The following TRPS1 variants were observed in gnomAD, a reference collection of about 807,000 sequenced individuals.
TRPS1 encodes zinc finger transcription factor Trps1.
TRPS1 carries 6 observed loss-of-function variants against 101.2 expected under a neutral mutation model. The observed-to-expected ratio is 0.06, with a 90% CI of 0.03 to 0.12. The LOEUF is 0.12. TRPS1 is among the 10% of genes least tolerant of loss of function. The probability of loss-of-function intolerance (pLI) is 1.00; values close to 1 mark genes in which losing one functional copy is unlikely to be tolerated. For synonymous variants in TRPS1, 578 were observed against 589.8 expected (o/e 0.98, Z 0.29); for missense variants, 1,363 against 1,567.0 (o/e 0.87, Z 2.20).
At chr8:115,602,052 TC>T (rs145964848) in intron 4 of TRPS1, among the ~76,000 whole-genome samples, 2,486 of 152,248 alleles carry the variant, frequency 0.016, 60 homozygotes, top group African/African-American at 0.057. Flanking sequence ...AACCCTGTTT[TC>T]CCAGACATTC....
At chr8:115,424,940 T>C (rs1299878915) in intron 5 of TRPS1, among the ~76,000 whole-genome samples, 2 of 152,194 alleles carry the variant, frequency 1.3e-5, no homozygotes, top group Non-Finnish European at 2.9e-5. Context: ...CTAGGAGACA[T>C]CGAAGGCCAT....
chr8:115,514,952 A>C (rs1400959842), intron 5 of TRPS1, among the ~76,000 whole-genome samples: 1 of 151,614 alleles, frequency 6.6e-6, no homozygotes, highest in African/African-American at 2.4e-5. Flanking sequence ...GGTTTTTAAA[A>C]ATGTTTTTCC....
At chr8:115,609,572 C>T (rs1818116975) in intron 3 of TRPS1, among the ~76,000 whole-genome samples, 1 of 152,116 alleles carries the variant, frequency 6.6e-6, no homozygotes, top group Non-Finnish European at 1.5e-5. Context: ...TTCATGGCAC[C>T]CTCACCACTG....
rs1400125756 is a variant in TRPS1, at chr8:115,619,794, C to T, written c.304G>A (p.Glu102Lys). 9.3e-6 allele frequency: 15 copies of T among 1,614,070 alleles called. No homozygotes were observed. Among genetic ancestry groups the T allele is most frequent in the Non-Finnish European group, 1.3e-5 (15 of 1,180,040 alleles). ...AAGTTTCCTCCCTTACTGGGGCTTTCATAATTGAAGCCAGCCTTCTCACTC... is the reference window on the plus strand; with the variant it reads ...AAGTTTCCTCCCTTACTGGGGCTTTTATAATTGAAGCCAGCCTTCTCACTC... ...VLSEKAGFNY[E>K]SPSKGGNFPS... Residue 102 changes from glutamate (E) to lysine (K), a missense_variant, in exon 3 of 7, where the codon GAA becomes AAA. Transcript: ENST00000395715.
intron 1 of TRPS1, among the ~76,000 whole-genome samples, chr8:115,660,307 CA>C (rs1339455958): frequency 1.3e-5 from 2 of 151,944 alleles, no homozygotes; most frequent in Non-Finnish European, 2.9e-5. Context: ...CCAAATTCTA[CA>C]AGTAAAAACA....
intron 6 of TRPS1, among the ~76,000 whole-genome samples, chr8:115,415,804 T>C (rs377245152): frequency 1.3e-5 from 2 of 152,192 alleles, no homozygotes; most frequent in South Asian, 4.1e-4. Context: ...AAAACATAAA[T>C]GTCGGCTGTT....
chr8:115,516,888 C>A (rs1009136061), intron 5 of TRPS1, among the ~76,000 whole-genome samples: 2 of 151,374 alleles, frequency 1.3e-5, no homozygotes, highest in African/African-American at 4.8e-5. Flanking sequence ...ATAAAACAAT[C>A]TTCTACATAT....
chr8:115,647,713 T>C (rs1242897874), intron 1 of TRPS1, among the ~76,000 whole-genome samples: 1 of 152,214 alleles, frequency 6.6e-6, no homozygotes, highest in African/African-American at 2.4e-5. Context: ...AGACTAATAA[T>C]ATTTTCATTA....
chr8:115,550,636 C>T (rs1816682341), intron 5 of TRPS1, among the ~76,000 whole-genome samples: 1 of 152,160 alleles, frequency 6.6e-6, no homozygotes, highest in Non-Finnish European at 1.5e-5. Context: ...AATCTTCTAC[C>T]AAGCCAGGAG....
chr8:115,586,859 G>T, intron 5 of TRPS1, 142 bp downstream of exon 5: 1 of 1,415,680 alleles, frequency 7.1e-7, no homozygotes, highest in Non-Finnish European at 9.7e-7. Flanking sequence ...CTGCCACTTT[G>T]GCCTTAGGAG....
intron 5 of TRPS1, among the ~76,000 whole-genome samples, chr8:115,531,102 T>G (rs558282152): frequency 1.6e-4 from 25 of 152,098 alleles, no homozygotes; most frequent in African/African-American, 5.8e-4. Flanking sequence ...AAAAAGAGTA[T>G]GTTAAGTGAT....
intron 5 of TRPS1, among the ~76,000 whole-genome samples, chr8:115,555,510 T>G (rs1816797268): frequency 6.6e-6 from 1 of 152,086 alleles, no homozygotes; most frequent in African/African-American, 2.4e-5. Flanking sequence ...CTTTGGCAAG[T>G]ACTTCTTTTT....
chr8:115,507,356 T>C (rs1351758873), intron 5 of TRPS1, among the ~76,000 whole-genome samples: 2 of 152,124 alleles, frequency 1.3e-5, no homozygotes, highest in Admixed American at 1.3e-4. Flanking sequence ...GCCTAATCTT[T>C]GTCAATTGGT....
intron 5 of TRPS1, among the ~76,000 whole-genome samples, chr8:115,548,822 T>C (rs1033268177): frequency 2.0e-5 from 3 of 152,226 alleles, no homozygotes; most frequent in African/African-American, 7.2e-5. Flanking sequence ...ATCTGTGCTG[T>C]GTCTTATTCA....
Position 115,506,833 on chromosome 8 carries a change from T to G in TRPS1, c.2700+80168A>C, listed in dbSNP as rs141275393. On this transcript the variant is annotated intron_variant, in intron 5 of 6. Transcript: ENST00000395715. The stretch of plus-strand genomic sequence containing the variant: ...ATTTTAAAATCTCACAAGTTTTTCT[T>G]CATGATTAACACAATTCACAAAATA... 1.2e-3 allele frequency among the ~76,000 whole-genome samples: 176 copies of G among 152,262 alleles called. 1 individual carries two copies. The highest frequency in any genetic ancestry group is 4.1e-3 in the African/African-American group (171 of 41,568).
At chr8:115,563,938 G>GA (rs1346497598) in intron 5 of TRPS1, among the ~76,000 whole-genome samples, 12 of 151,924 alleles carry the variant, frequency 7.9e-5, no homozygotes, top group African/African-American at 2.7e-4. Flanking sequence ...GCCACCGTTG[G>GA]AAAAAAAGAA....
At chr8:115,540,496 A>G (rs1816426409) in intron 5 of TRPS1, among the ~76,000 whole-genome samples, 1 of 152,166 alleles carries the variant, frequency 6.6e-6, no homozygotes, top group Admixed American at 6.5e-5. Context: ...GTGAATAAAA[A>G]GATCTTGAGA....
intron 5 of TRPS1, among the ~76,000 whole-genome samples, chr8:115,546,300 T>A (rs1333666347): frequency 1.3e-5 from 2 of 151,944 alleles, no homozygotes; most frequent in African/African-American, 2.4e-5. Context: ...AGATTCCCAA[T>A]GCTAGCTAAA....
chr8:115,600,404 T>C (rs1254230211), intron 4 of TRPS1, among the ~76,000 whole-genome samples: 2 of 152,202 alleles, frequency 1.3e-5, no homozygotes, highest in South Asian at 2.1e-4. Context: ...TGGAGTACTT[T>C]TCTACAGACA....
Sources: allele counts gnomAD v4.1 joint callset (sites outside exome capture counted in the v4.1 genomes callset), GRCh38; gene constraint gnomAD v4.1.1; transcripts MANE v1.5; gene names NCBI Gene and HGNC (gene_info 2026-07-23, HGNC 2026-07-21).